Variants in UBE4B observed in about 807,000 individuals in gnomAD.
UBE4B encodes the protein ubiquitin conjugation factor E4 B.
UBE4B carries 27 observed loss-of-function variants against 148.1 expected under a neutral mutation model. The observed-to-expected ratio is 0.18, with a 90% CI of 0.13 to 0.25. The LOEUF is 0.25. Ranked by LOEUF, UBE4B falls within the 10% of genes least tolerant of loss-of-function variation. UBE4B has a pLI of 1.00. For synonymous variants in UBE4B, 596 were observed against 619.3 expected, an observed-to-expected ratio of 0.96 and a Z score of 0.56; for missense variants, 1,170 against 1,662.4, an observed-to-expected ratio of 0.70 and a Z score of 5.15.
intron 24 of UBE4B, among the ~76,000 whole-genome samples, chr1:10,170,438 T>C (rs1646322382): frequency 6.6e-6 from 1 of 152,230 alleles, no homozygotes; most frequent in Non-Finnish European, 1.5e-5. Context: ...CTCCCTTTTA[T>C]GGCCAGTGTT....
At position 10,072,112 on chromosome 1, in the gene UBE4B, C is replaced by T. The variant is rs764778044; in HGVS notation, c.109C>T (p.Pro37Ser). The T allele has an allele frequency of 1.2e-6, 2 of 1,613,566 alleles. No individual in the cohort carries two copies. Among genetic ancestry groups the T allele is most frequent in the African/African-American group, 1.3e-5 (1 of 75,022 alleles). ...ACTCACCTCTCCCCAGAGGGAGAAC[C>T]CTCCGGGGCCTCCCATAGCGGCATC... ...TPLTSPQRENPPGPPIAASAP... is the reference protein window; with the variant it reads ...TPLTSPQRENSPGPPIAASAP... The change falls in exon 2 of 28, where the codon CCT becomes TCT. Residue 37 changes from proline to serine, a missense_variant. Pro to Ser is a moderately conservative substitution (Grantham distance 74, BLOSUM62 -1). This residue lies in a region of UBE4B where 127 missense variants were observed against 153.2 expected (regional missense o/e 0.83). Transcript: ENST00000343090.
chr1:10,073,438 A>G (rs1281697599), intron 2 of UBE4B, among the ~76,000 whole-genome samples: 1 of 152,142 alleles, frequency 6.6e-6, no homozygotes, highest in Non-Finnish European at 1.5e-5. Flanking sequence ...TCATGATTAC[A>G]TGGCTGGGTG....
At chr1:10,141,748 A>G (rs1645786227) in intron 17 of UBE4B, among the ~76,000 whole-genome samples, 2 of 152,180 alleles carry the variant, frequency 1.3e-5, no homozygotes, top group Admixed American at 6.5e-5. Context: ...TTACCCTGCA[A>G]GGTGACTATC....
At position 10,106,444 on chromosome 1, in the gene UBE4B, C is replaced by G. The variant is rs755996153; in HGVS notation, c.1057C>G (p.Pro353Ala). The change falls in exon 7 of 28, where the codon CCC becomes GCC. Residue 353 changes from proline to alanine, a missense_variant. Pro to Ala is a conservative substitution (Grantham distance 27, BLOSUM62 -1). This residue lies in a region of UBE4B where 214 missense variants were observed against 209.1 expected (regional missense o/e 1.02). Transcript: ENST00000343090. This position sits in a 1 kb window ranked among gnomAD's most constrained non-coding sequence, Gnocchi z 4.2. ...CTCCATTCTGTCGAGCTCCCCAAGT[C>G]CCCCTGCCCTCGCCAGTAGCCCCCA... ...GVSILSSSPSPPALASSPQAV... is the reference protein window; with the variant it reads ...GVSILSSSPSAPALASSPQAV... 1.2e-6 allele frequency: 2 copies of G among 1,613,838 alleles called. No individual in the cohort carries two copies. The highest frequency in any genetic ancestry group is 1.1e-5 in the South Asian group (1 of 91,040).
intron 18 of UBE4B, 71 bp downstream of exon 18, chr1:10,145,110 T>C: frequency 1.6e-6 from 2 of 1,215,824 alleles, no homozygotes; most frequent in Non-Finnish European, 2.4e-6. Context: ...AATATATGCC[T>C]TGAGTGAGCA....
At position 10,080,510 on chromosome 1, in the gene UBE4B, C is replaced by T. The variant is rs533005957; in HGVS notation, c.211+8296C>T. Among the ~76,000 whole-genome samples, 3 of 152,140 alleles carry T rather than the reference C, an allele frequency of 2.0e-5. No homozygotes were observed. The East Asian group carries it at 5.8e-4, about 29-fold the overall frequency. Reference sequence around the variant, plus strand: ...ATTTTACAAAACAATATGGAGGTCCCTCAGAAAACTAAAAACAGAGCTACC... The same window carrying T: ...ATTTTACAAAACAATATGGAGGTCCTTCAGAAAACTAAAAACAGAGCTACC... On this transcript the variant is annotated intron_variant, in intron 2 of 27. Coordinates refer to ENST00000343090, the MANE Select transcript of UBE4B (RefSeq NM_001105562.3).
In UBE4B at chr1:10,037,922, A is replaced by T. The variant is rs562993587; in HGVS notation, c.24+4228A>T. On this transcript the variant is annotated intron_variant, in intron 1 of 27. Coordinates refer to ENST00000343090, the MANE Select transcript of UBE4B (RefSeq NM_001105562.3). ...TTGCATAAGTGATTTTTCTCTCCTA[A>T]CTCTTCTTTATGACCTAGTTCATCT... Among the ~76,000 whole-genome samples the T allele has an allele frequency of 2.0e-5, 3 of 151,958 alleles. No homozygotes were observed. In the East Asian group the frequency reaches 5.8e-4, roughly 29 times the overall value.
intron 3 of UBE4B, among the ~76,000 whole-genome samples, chr1:10,100,577 G>C (rs145266804): frequency 6.6e-6 from 1 of 151,876 alleles, no homozygotes; most frequent in African/African-American, 2.4e-5. Context: ...TATTTGAGAC[G>C]GAGTTTCGCT....
At chr1:10,094,389 T>G (rs900653325) in intron 2 of UBE4B, among the ~76,000 whole-genome samples, 1 of 152,136 alleles carries the variant, frequency 6.6e-6, no homozygotes, top group Non-Finnish European at 1.5e-5. Flanking sequence ...TTGAGAGAAT[T>G]TTGCAGGGAA....
intron 26 of UBE4B, chr1:10,179,203 C>G (rs533806718): frequency 1.0e-5 from 6 of 590,404 alleles, no homozygotes; most frequent in South Asian, 7.7e-5. Flanking sequence ...TCCCTCCCCC[C>G]AGCAGTAGCT....
intron 8 of UBE4B, among the ~76,000 whole-genome samples, chr1:10,118,411 C>T (rs1645351172): frequency 6.6e-6 from 1 of 152,088 alleles, no homozygotes; most frequent in Non-Finnish European, 1.5e-5. Context: ...TATCTCAGCT[C>T]ACTGCAACCT....
At chr1:10,080,824 T>G (rs1644666252) in intron 2 of UBE4B, among the ~76,000 whole-genome samples, 1 of 152,146 alleles carries the variant, frequency 6.6e-6, no homozygotes, top group African/African-American at 2.4e-5. Context: ...AGGCAAATAT[T>G]GCATGTTTTC....
chr1:10,130,371 A>G (rs1239755979), intron 12 of UBE4B, 129 bp from the exon 13 acceptor site: 5 of 851,650 alleles, frequency 5.9e-6, no homozygotes, highest in Non-Finnish European at 9.4e-6. Context: ...GTGAGCCACC[A>G]TGCCTGGCTG....
intron 2 of UBE4B, among the ~76,000 whole-genome samples, chr1:10,091,805 A>G (rs543182229): frequency 1.3e-5 from 2 of 152,256 alleles, no homozygotes; most frequent in Admixed American, 6.5e-5. Context: ...GGGTTTCACT[A>G]TGTTGGTCAG....
chr1:10,155,032 G>A (rs1646044428), intron 21 of UBE4B, among the ~76,000 whole-genome samples: 1 of 152,048 alleles, frequency 6.6e-6, no homozygotes, highest in African/African-American at 2.4e-5. Flanking sequence ...TTATTTTGTA[G>A]TCAGTGTTCT....
chr1:10,144,513 A>G lies in UBE4B; in HGVS notation c.2364-427A>G, dbSNP rs368878951. 3.3e-4 allele frequency among the ~76,000 whole-genome samples: 51 copies of G among 152,266 alleles called. 1 individual carries two copies. The East Asian group carries it at 7.1e-3, about 21-fold the overall frequency. The stretch of plus-strand genomic sequence containing the variant: ...CACTTTGGGAGGCTGGGGCAGGCAG[A>G]CCACAAGGTCAGGAGTTTGAGACCA... On this transcript the variant is annotated intron_variant, in intron 17 of 27. Coordinates refer to ENST00000343090, the MANE Select transcript of UBE4B (RefSeq NM_001105562.3).
At position 10,106,107 on chromosome 1, in the gene UBE4B, T is replaced by G. The variant is rs913730866; in HGVS notation, c.810-90T>G. The G allele has an allele frequency of 1.1e-5, 16 of 1,418,136 alleles. No individual in the cohort carries two copies. In the South Asian group the frequency reaches 1.3e-4, roughly 11 times the overall value. The allele number at this position is 1,418,136 out of a possible 1,614,324, so 87.8% of individuals were successfully genotyped here. ...TATACTTGAACTGAAATGATTCTCC[T>G]TTAAAAGCTTGATATTTTCTGTTTT... is the stretch of plus-strand genomic sequence containing the variant. On this transcript the variant is annotated intron_variant, in intron 6 of 27. Transcript: ENST00000343090. The surrounding 1 kb of genome is among the most constrained non-coding windows in gnomAD (Gnocchi z 4.2).
intron 2 of UBE4B, among the ~76,000 whole-genome samples, chr1:10,081,714 A>G (rs1644684717): frequency 6.6e-6 from 1 of 151,862 alleles, no homozygotes; most frequent in African/African-American, 2.4e-5. Context: ...TCAGCCTCCC[A>G]AGTAGCTGGG....
chr1:10,178,531 C>A, intron 25 of UBE4B, 113 bp from the exon 26 acceptor site: 1 of 1,113,788 alleles, frequency 9.0e-7, no homozygotes, highest in Non-Finnish European at 1.2e-6. Context: ...AATTTTAGGG[C>A]TTTTTTAGTG....
Sources: gnomAD v4.1 joint callset for allele counts (sites outside exome capture counted in the v4.1 genomes callset) on GRCh38, gnomAD v4.1.1 for gene constraint, gnomAD v4.1.1 regional missense constraint, Gnocchi (gnomAD v3.1) non-coding constraint, MANE v1.5 for transcripts, NCBI Gene and HGNC (gene_info 2026-07-23, HGNC 2026-07-21) for gene names.